Variants in SYN3 observed in about 807,000 individuals in gnomAD.
SYN3 encodes the protein synapsin-3.
Under a neutral mutation model 65.8 loss-of-function variants are expected in SYN3, and 35 were observed. The ratio of observed to expected loss-of-function variants is 0.53; its 90% confidence interval spans 0.41 to 0.70. The LOEUF is 0.70. Among genes scored for constraint, SYN3 ranks in the 30% least tolerant of loss-of-function variants. The probability of loss-of-function intolerance (pLI) is 0.00; values close to 1 mark genes in which losing one functional copy is unlikely to be tolerated. For synonymous variants in SYN3, 270 were observed against 292.9 expected (o/e 0.92, Z 0.80); for missense variants, 680 against 749.0 (o/e 0.91, Z 1.08).
chr22:32,922,083 T>A (rs1456050580), intron 4 of SYN3, among the ~76,000 whole-genome samples: 6 of 152,222 alleles, frequency 3.9e-5, no homozygotes, highest in African/African-American at 7.2e-5. Context: ...CCATCAATAG[T>A]GGTGACTGAC....
intron 6 of SYN3, among the ~76,000 whole-genome samples, chr22:32,820,731 G>T (rs2047223433): frequency 6.6e-6 from 1 of 152,158 alleles, no homozygotes; most frequent in Admixed American, 6.5e-5. Flanking sequence ...TGGGGCTTGG[G>T]ATATGTTTTA....
chr22:32,820,351 T>TGC (rs2047210452), intron 6 of SYN3, among the ~76,000 whole-genome samples: 1 of 104,656 alleles, frequency 9.6e-6, no homozygotes, highest in Non-Finnish European at 2.0e-5. Context: ...CCCATTCCAC[T>TGC]GCGTGTGTGT....
chr22:32,687,544 C>T (rs1342365670), intron 6 of SYN3, among the ~76,000 whole-genome samples: 2 of 152,144 alleles, frequency 1.3e-5, no homozygotes, highest in African/African-American at 2.4e-5. Context: ...GCCCCCATTA[C>T]CTCTTGCCAG....
chr22:32,586,598 G>A (rs533669795), intron 7 of SYN3, among the ~76,000 whole-genome samples: 8 of 152,070 alleles, frequency 5.3e-5, no homozygotes, highest in Non-Finnish European at 7.4e-5. Flanking sequence ...CAAATAGACT[G>A]CAAGAAGGAC....
chr22:32,956,996 C>A (rs1342824581), intron 3 of SYN3, among the ~76,000 whole-genome samples: 2 of 152,104 alleles, frequency 1.3e-5, no homozygotes, highest in African/African-American at 4.8e-5. Flanking sequence ...GTGGATGGAT[C>A]AGAGTAAGCC....
intron 1 of SYN3, among the ~76,000 whole-genome samples, chr22:33,030,219 C>G (rs564257669): frequency 6.6e-6 from 1 of 152,312 alleles, no homozygotes; most frequent in African/African-American, 2.4e-5. Context: ...GGAACCAGAC[C>G]TGACTCCACA....
At chr22:32,930,099 A>G (rs2050585055) in intron 4 of SYN3, among the ~76,000 whole-genome samples, 1 of 152,214 alleles carries the variant, frequency 6.6e-6, no homozygotes, top group Non-Finnish European at 1.5e-5. Flanking sequence ...TCAATAAAGA[A>G]TGGCTGAATT....
rs764630091 is a variant in SYN3 at position 32,642,562 on chromosome 22, T to C, written c.712-45826A>G. ...TTCACGCTATTCTCCTGCCTCAGCC[T>C]CTCCGAGTAGCTGGGACTACAGGCG... is the stretch of plus-strand genomic sequence containing the variant. On this transcript the variant is annotated intron_variant, in intron 6 of 13. Coordinates refer to ENST00000358763, the MANE Select transcript of SYN3 (RefSeq NM_003490.4). Among the ~76,000 whole-genome samples the C allele has an allele frequency of 1.1e-4, 17 of 151,760 alleles. 1 individual carries two copies. Among genetic ancestry groups the C allele is most frequent in the Non-Finnish European group, 2.5e-4 (17 of 67,908 alleles).
intron 6 of SYN3, among the ~76,000 whole-genome samples, chr22:32,645,837 C>G (rs747285620): frequency 3.0e-5 from 4 of 131,838 alleles, no homozygotes; most frequent in Non-Finnish European, 3.1e-5. Context: ...TGAGATGAGA[C>G]AAGAATTCCC....
At chr22:32,818,846 G>C (rs1384647129) in intron 6 of SYN3, among the ~76,000 whole-genome samples, 1 of 152,188 alleles carries the variant, frequency 6.6e-6, no homozygotes, top group Non-Finnish European at 1.5e-5. Context: ...ATCCAGTCTG[G>C]GTAAGAATTC....
chr22:32,612,290 G>T (rs1000560285), intron 6 of SYN3, among the ~76,000 whole-genome samples: 3 of 152,212 alleles, frequency 2.0e-5, no homozygotes, highest in African/African-American at 7.2e-5. Flanking sequence ...TCAGACAAAA[G>T]TGTGGGTACC....
intron 12 of SYN3, among the ~76,000 whole-genome samples, chr22:32,521,743 G>A (rs2057888416): frequency 6.6e-6 from 1 of 152,120 alleles, no homozygotes; most frequent in South Asian, 2.1e-4. Context: ...ACCGCGCCCA[G>A]CTCACCTCCT....
chr22:33,028,646 G>A (rs978747392), intron 1 of SYN3, among the ~76,000 whole-genome samples: 26 of 97,000 alleles, frequency 2.7e-4, no homozygotes, highest in African/African-American at 1.4e-3. Context: ...AACCATGATG[G>A]TGGTGGTGGT....
At chr22:32,665,927 C>A (rs1433345206) in intron 6 of SYN3, among the ~76,000 whole-genome samples, 2 of 152,160 alleles carry the variant, frequency 1.3e-5, no homozygotes, top group African/African-American at 4.8e-5. Flanking sequence ...TTGACATCTG[C>A]ACTCTGATGT....
intron 7 of SYN3, among the ~76,000 whole-genome samples, chr22:32,590,017 C>T (rs1569069689): frequency 6.6e-6 from 1 of 152,048 alleles, no homozygotes; most frequent in Non-Finnish European, 1.5e-5. Context: ...AAATATAGCA[C>T]AACTATGAAG....
At chr22:32,849,886 A>T (rs2048171988) in intron 6 of SYN3, among the ~76,000 whole-genome samples, 1 of 151,928 alleles carries the variant, frequency 6.6e-6, no homozygotes. Context: ...TTGTGAAATG[A>T]GGGGGTTGGA....
intron 7 of SYN3, among the ~76,000 whole-genome samples, chr22:32,575,097 C>T (rs1379853070): frequency 3.3e-5 from 5 of 152,312 alleles, no homozygotes; most frequent in Middle Eastern, 3.4e-3. Context: ...GAGGGAATGG[C>T]GCCATGCCGG....
chr22:32,710,645 A>AAAAAAAAAAAAAAAAAGAAAG (rs1555931894), intron 6 of SYN3, among the ~76,000 whole-genome samples: 1 of 126,992 alleles, frequency 7.9e-6, no homozygotes, highest in African/African-American at 3.5e-5. Flanking sequence ...AAAAAAAAAA[A>AAAAAAAAAAAAAAAAAGAAAG]AAAGAAAGAA....
chr22:32,927,317 G>A (rs1569332735), intron 4 of SYN3, among the ~76,000 whole-genome samples: 1 of 146,040 alleles, frequency 6.8e-6, no homozygotes, highest in Non-Finnish European at 1.5e-5. Context: ...AGGCTAAAGT[G>A]CAGTGGCGTG....
Sources: allele counts gnomAD v4.1 joint callset (sites outside exome capture counted in the v4.1 genomes callset), GRCh38; gene constraint gnomAD v4.1.1; transcripts MANE v1.5; gene names NCBI Gene and HGNC (gene_info 2026-07-23, HGNC 2026-07-21).